CCDC3: variants seen among roughly 807,000 people sequenced by gnomAD.
CCDC3 encodes coiled-coil domain containing 3.
Under a neutral mutation model 21.4 loss-of-function variants are expected in CCDC3, and 24 were observed. The observed-to-expected ratio is 1.12, with a 90% confidence interval of 0.81 to 1.58. CCDC3 has a LOEUF of 1.58. Among genes scored for constraint, CCDC3 ranks in the 40% most tolerant of loss-of-function variants. CCDC3 has a pLI of 0.00. For missense variants in CCDC3, 425 were observed against 360.9 expected, an observed-to-expected ratio of 1.18 and a Z score of -1.44; for synonymous variants, 186 against 166.0, an observed-to-expected ratio of 1.12 and a Z score of -0.93.
At chr10:12,960,192 A>ACACACAC (rs1835160604) in intron 2 of CCDC3, among the ~76,000 whole-genome samples, 1 of 46,360 alleles carries the variant, frequency 2.2e-5, no homozygotes, top group Non-Finnish European at 5.0e-5. Context: ...CACACACACA[A>ACACACAC]AGGTTTTCTC....
chr10:12,961,103 G>C (rs1205046452), intron 2 of CCDC3, among the ~76,000 whole-genome samples: 1 of 152,202 alleles, frequency 6.6e-6, no homozygotes, highest in Non-Finnish European at 1.5e-5. Context: ...CCACCTTCCA[G>C]AAACATCTCT....
chr10:12,977,261 C>A (rs370648237), intron 2 of CCDC3, among the ~76,000 whole-genome samples: 1 of 146,754 alleles, frequency 6.8e-6, no homozygotes, highest in African/African-American at 2.6e-5. Context: ...GGCAACAGAG[C>A]GAGACCTTGT....
chr10:13,067,194 T>A (rs1836830213), intron 4 of CCDC3, among the ~76,000 whole-genome samples: 1 of 152,144 alleles, frequency 6.6e-6, no homozygotes, highest in Admixed American at 6.5e-5. Context: ...CCCGCTCCCC[T>A]CCCAGCCAGG....
At chr10:13,043,701 C>G (rs1836490783) in intron 5 of CCDC3, among the ~76,000 whole-genome samples, 1 of 152,214 alleles carries the variant, frequency 6.6e-6, no homozygotes, top group Admixed American at 6.5e-5. Flanking sequence ...TTTTTCCTGG[C>G]TGCGTAGTAT....
chr10:12,932,808 T>C (rs1041417131), intron 2 of CCDC3, among the ~76,000 whole-genome samples: 3 of 152,230 alleles, frequency 2.0e-5, no homozygotes, highest in Non-Finnish European at 1.5e-5. Context: ...TTTTTGTAGA[T>C]GTTCTTTATG....
At chr10:12,942,210 C>T (rs1161012868) in intron 2 of CCDC3, among the ~76,000 whole-genome samples, 2 of 152,268 alleles carry the variant, frequency 1.3e-5, no homozygotes, top group Non-Finnish European at 2.9e-5. Context: ...ACAAATATTA[C>T]TAAAAAGCTT....
At chr10:12,968,138 C>A (rs1835287705) in intron 2 of CCDC3, among the ~76,000 whole-genome samples, 1 of 150,734 alleles carries the variant, frequency 6.6e-6, no homozygotes, top group Non-Finnish European at 1.5e-5. Context: ...CACTGTACTC[C>A]AGCCTGGGTG....
chr10:13,017,792 G>A (rs1305295612), intron 5 of CCDC3, among the ~76,000 whole-genome samples: 2 of 152,086 alleles, frequency 1.3e-5, no homozygotes, highest in Non-Finnish European at 2.9e-5. Flanking sequence ...TCCCATTGGG[G>A]TTGACATCCA....
chr10:12,978,115 T>C (rs1029754282), intron 2 of CCDC3, among the ~76,000 whole-genome samples: 1 of 151,976 alleles, frequency 6.6e-6, no homozygotes, highest in African/African-American at 2.4e-5. Flanking sequence ...GCCTCCCAGG[T>C]TCAAGTGATT....
intron 2 of CCDC3, among the ~76,000 whole-genome samples, chr10:12,996,559 C>G (rs997471334): frequency 5.9e-5 from 9 of 152,200 alleles, no homozygotes; most frequent in African/African-American, 2.2e-4. Context: ...TGGTCTTGAA[C>G]TCCTGACCTC....
chr10:13,032,476 G>A (rs1836318149), intron 5 of CCDC3, among the ~76,000 whole-genome samples: 1 of 152,144 alleles, frequency 6.6e-6, no homozygotes, highest in Non-Finnish European at 1.5e-5. Context: ...AAATAGTGTT[G>A]GAAGTTCTGG....
chr10:13,016,333 C>T (rs1302227685), intron 5 of CCDC3, among the ~76,000 whole-genome samples: 3 of 61,968 alleles, frequency 4.8e-5, no homozygotes, highest in Non-Finnish European at 6.9e-5. Context: ...TTTGGTAAAG[C>T]GAAAAAAAAA....
intron 2 of CCDC3, among the ~76,000 whole-genome samples, chr10:12,907,973 G>A (rs940645846): frequency 6.6e-6 from 1 of 152,212 alleles, no homozygotes; most frequent in South Asian, 2.1e-4. Flanking sequence ...GTAGCAGCTG[G>A]ATGTGGGAAG....
At chr10:12,959,404 G>A (rs1015280682) in intron 2 of CCDC3, among the ~76,000 whole-genome samples, 3 of 152,088 alleles carry the variant, frequency 2.0e-5, no homozygotes, top group African/African-American at 4.8e-5. Context: ...CTGGCCTCAG[G>A]GGATCCACCT....
chr10:13,023,205 T>C (rs1396647648), intron 5 of CCDC3, among the ~76,000 whole-genome samples: 3 of 152,214 alleles, frequency 2.0e-5, no homozygotes, highest in African/African-American at 7.2e-5. Flanking sequence ...GCCTCCTGTT[T>C]GACTTATCTA....
At chr10:12,911,922 T>G (rs1271493605) in intron 2 of CCDC3, among the ~76,000 whole-genome samples, 1 of 152,206 alleles carries the variant, frequency 6.6e-6, no homozygotes, top group African/African-American at 2.4e-5. Context: ...GGTGCCTGGC[T>G]TATTTCACTT....
intron 5 of CCDC3, among the ~76,000 whole-genome samples, chr10:13,040,105 C>G (rs560235522): frequency 6.6e-6 from 1 of 152,160 alleles, no homozygotes; most frequent in East Asian, 1.9e-4. Context: ...GCATTAAATT[C>G]AACATCCAGG....
chr10:13,097,241 C>A (rs1832638033), intron 3 of CCDC3, among the ~76,000 whole-genome samples: 3 of 152,178 alleles, frequency 2.0e-5, no homozygotes, highest in Non-Finnish European at 4.4e-5. Context: ...TCCATCTACC[C>A]ATGGAAGTGT....
chr10:12,945,303 G>GAATTTTCAGAAAATCTAT lies in CCDC3; in HGVS notation c.550-46642_550-46625dup, dbSNP rs1428633551. Among the ~76,000 whole-genome samples the GAATTTTCAGAAAATCTAT allele has an allele frequency of 7.2e-5, 11 of 152,020 alleles. 2 individuals are homozygous for GAATTTTCAGAAAATCTAT. The highest frequency in any genetic ancestry group is 1.5e-5 in the Non-Finnish European group (1 of 67,958). ...TGCAAGCATACAAAATAAGTAAGAT[G>GAATTTTCAGAAAATCTAT]AATTTTCAGAAAATCTATAAGGTAG... On this transcript the variant is annotated intron_variant, in intron 2 of 2. Transcript: ENST00000378825.
Sources: gnomAD v4.1 joint callset for allele counts (sites outside exome capture counted in the v4.1 genomes callset) on GRCh38, gnomAD v4.1.1 for gene constraint, MANE v1.5 for transcripts, NCBI Gene and HGNC (gene_info 2026-07-23, HGNC 2026-07-21) for gene names.